The following SWT1 variants were observed in gnomAD, a reference collection of about 807,000 sequenced individuals.
SWT1 encodes transcriptional protein SWT1.
In SWT1, 33 loss-of-function variants were observed where a neutral mutation model predicts 107.3. The ratio of observed to expected loss-of-function variants is 0.31; its 90% CI spans 0.23 to 0.41. The LOEUF (loss-of-function observed/expected upper bound fraction) is 0.41. Among genes scored for constraint, SWT1 ranks in the 10% least tolerant of loss-of-function variants. The probability of loss-of-function intolerance (pLI) is 1.00; values close to 1 mark genes in which losing one functional copy is unlikely to be tolerated. For synonymous variants in SWT1, 345 were observed against 348.3 expected, an observed-to-expected ratio of 0.99 and a Z score of 0.11; for missense variants, 898 against 1,028.9, an observed-to-expected ratio of 0.87 and a Z score of 1.74.
chr1:185,206,894 A>G, intron 13 of SWT1, 131 bp downstream of exon 13: 2 of 637,806 alleles, frequency 3.1e-6, no homozygotes, highest in East Asian at 6.2e-5. Flanking sequence ...CTTCTAATTT[A>G]TAAAGGTATT....
At chr1:185,239,003 G>T (rs1661082767) in intron 16 of SWT1, among the ~76,000 whole-genome samples, 1 of 152,074 alleles carries the variant, frequency 6.6e-6, no homozygotes. Flanking sequence ...TTGGTTTTGA[G>T]ATGCATGCTC....
At chr1:185,188,071 A>G (rs1480442974) in intron 9 of SWT1, among the ~76,000 whole-genome samples, 1 of 152,224 alleles carries the variant, frequency 6.6e-6, no homozygotes, top group Non-Finnish European at 1.5e-5. Context: ...TACTTTATAT[A>G]CATTTTCATT....
chr1:185,173,443 C>T (rs1655261845), intron 4 of SWT1, among the ~76,000 whole-genome samples: 1 of 150,474 alleles, frequency 6.6e-6, no homozygotes, highest in Non-Finnish European at 1.5e-5. Flanking sequence ...CCTGTAGCCT[C>T]AGCACACTGG....
chr1:185,286,162 A>G (rs1016296715), intron 18 of SWT1, among the ~76,000 whole-genome samples: 1 of 152,192 alleles, frequency 6.6e-6, no homozygotes, highest in Non-Finnish European at 1.5e-5. Context: ...TAAATATTAC[A>G]GTCCATTAAC....
At chr1:185,182,334 A>G (rs892323295) in intron 7 of SWT1, among the ~76,000 whole-genome samples, 11 of 152,114 alleles carry the variant, frequency 7.2e-5, no homozygotes, top group African/African-American at 2.4e-4. Context: ...TCTTGCTGTT[A>G]TAACTTTAAC....
intron 16 of SWT1, among the ~76,000 whole-genome samples, chr1:185,266,199 G>A (rs1294182745): frequency 2.6e-5 from 4 of 152,162 alleles, no homozygotes; most frequent in African/African-American, 9.6e-5. Context: ...GAATAGCTGG[G>A]ACTACAGGCG....
At chr1:185,228,453 T>A (rs1200672114) in intron 15 of SWT1, among the ~76,000 whole-genome samples, 1 of 151,668 alleles carries the variant, frequency 6.6e-6, no homozygotes, top group Non-Finnish European at 1.5e-5. Flanking sequence ...GATCAGGAGA[T>A]CAAGGCTGCA....
At chr1:185,281,262 G>T (rs911707464) in intron 18 of SWT1, 3 of 212,094 alleles carry the variant, frequency 1.4e-5, no homozygotes, top group Non-Finnish European at 2.9e-5. Context: ...ACCTGAGCCT[G>T]CCCACAGAAG....
At chr1:185,243,020 G>T (rs551002341) in intron 16 of SWT1, among the ~76,000 whole-genome samples, 3 of 152,184 alleles carry the variant, frequency 2.0e-5, no homozygotes, top group Non-Finnish European at 2.9e-5. Flanking sequence ...AAAGCCAGAT[G>T]ATCAGTTCTA....
intron 15 of SWT1, among the ~76,000 whole-genome samples, chr1:185,228,765 G>A (rs1660284034): frequency 6.6e-6 from 1 of 152,156 alleles, no homozygotes; most frequent in Admixed American, 6.5e-5. Flanking sequence ...GTTAGAGAGT[G>A]TTCAAGAAAA....
chr1:185,226,984 TCTC>T (rs1167286941), intron 15 of SWT1: 5 of 868,526 alleles, frequency 5.8e-6, no homozygotes, highest in South Asian at 5.5e-5. Context: ...TTCTTACACA[TCTC>T]CTCCATCATG....
At chr1:185,282,520 A>C (rs1173770653) in intron 18 of SWT1, among the ~76,000 whole-genome samples, 1 of 152,040 alleles carries the variant, frequency 6.6e-6, no homozygotes, top group Non-Finnish European at 1.5e-5. Context: ...CAAGTATTTT[A>C]TAAAAAATGA....
chr1:185,273,333 A>AG (rs1664017337), intron 17 of SWT1, among the ~76,000 whole-genome samples: 1 of 151,884 alleles, frequency 6.6e-6, no homozygotes, highest in African/African-American at 2.4e-5. Flanking sequence ...TGGACCTGGG[A>AG]GGTGGAGGTT....
chr1:185,223,388 GT>G (rs752644461), intron 15 of SWT1, among the ~76,000 whole-genome samples: 7 of 151,902 alleles, frequency 4.6e-5, no homozygotes, highest in Non-Finnish European at 7.4e-5. Context: ...TGTTGCCCAG[GT>G]TGGTCTCAAA....
In SWT1 at chr1:185,252,231, G is replaced by A. The variant is rs554397171; in HGVS notation, c.2442-19092G>A. 5.2e-3 allele frequency among the ~76,000 whole-genome samples: 795 copies of A among 152,102 alleles called. 30 individuals are homozygous for A. In the East Asian group the frequency reaches 0.087, roughly 17 times the overall value. ...AGTCTTTGCTATTGTGAATAATGCT[G>A]CAATAAACATACGTGTGCATGTGTC... On this transcript the variant is annotated intron_variant, in intron 16 of 18. Coordinates refer to ENST00000367500, the MANE Select transcript of SWT1 (RefSeq NM_017673.7).
At chr1:185,181,444 A>C (rs1656011463) in intron 6 of SWT1, among the ~76,000 whole-genome samples, 3 of 152,216 alleles carry the variant, frequency 2.0e-5, no homozygotes, top group Admixed American at 2.0e-4. Flanking sequence ...ATTTCTGTGA[A>C]GTGAGAATGG....
intron 15 of SWT1, among the ~76,000 whole-genome samples, 158 bp from the exon 16 acceptor site, chr1:185,231,419 G>A (rs925797725): frequency 5.9e-5 from 9 of 152,058 alleles, no homozygotes; most frequent in East Asian, 1.9e-4. Context: ...CCAGACTTTC[G>A]TATTTTACTA....
chr1:185,181,963 G>T lies in SWT1; in HGVS notation c.1044G>T (p.Glu348Asp). 3.1e-6 allele frequency: 5 copies of T among 1,613,874 alleles called. No homozygotes were observed. The highest frequency in any genetic ancestry group is 3.4e-6 in the Non-Finnish European group (4 of 1,179,892). Reference protein sequence around the residue: ...DADQEMQIVEELHAARVGKSV... With the variant: ...DADQEMQIVEDLHAARVGKSV... Reference sequence around the variant, plus strand: ...CACTTTAGATGCAGATAGTAGAAGAGCTTCATGCTGCACGTGTGGGAAAAA... The same window carrying T: ...CACTTTAGATGCAGATAGTAGAAGATCTTCATGCTGCACGTGTGGGAAAAA... The change falls in exon 7 of 19, where the codon GAG becomes GAT. Residue 348 changes from glutamate to aspartate, a missense_variant. By Grantham distance (45) the Glu-to-Asp change is conservative (BLOSUM62 2). Coordinates refer to ENST00000367500, the MANE Select transcript of SWT1 (RefSeq NM_017673.7).
intron 1 of SWT1, among the ~76,000 whole-genome samples, chr1:185,158,023 C>G (rs542946690): frequency 6.6e-6 from 1 of 152,316 alleles, no homozygotes; most frequent in South Asian, 2.1e-4. Flanking sequence ...CCTGCTTGGG[C>G]TTGGTCCGAA....
Sources: gnomAD v4.1 joint callset for allele counts (sites outside exome capture counted in the v4.1 genomes callset) on GRCh38, gnomAD v4.1.1 for gene constraint, MANE v1.5 for transcripts, NCBI Gene and HGNC (gene_info 2026-07-23, HGNC 2026-07-21) for gene names.